The following TOP2B variants were observed in gnomAD, a reference collection of about 807,000 sequenced individuals.
TOP2B encodes the protein DNA topoisomerase II beta, also known as DNA topoisomerase 2-beta.
TOP2B carries 51 observed loss-of-function variants against 193.5 expected under a neutral mutation model. That is an observed-to-expected ratio of 0.26 (90% confidence interval 0.21 to 0.33). The LOEUF (loss-of-function observed/expected upper bound fraction) is 0.33, where lower values mean the gene tolerates loss of function less well. TOP2B is among the 10% of genes least tolerant of loss of function. The pLI is 1.00. For missense variants in TOP2B, 1,378 were observed against 1,909.3 expected, an observed-to-expected ratio of 0.72 and a Z score of 5.19; for synonymous variants, 634 against 635.7, an observed-to-expected ratio of 1.00 and a Z score of 0.04.
At chr3:25,638,672 G>A (rs995460309) in intron 4 of TOP2B, among the ~76,000 whole-genome samples, 23 of 151,660 alleles carry the variant, frequency 1.5e-4, no homozygotes, top group African/African-American at 5.6e-4. Context: ...ATTAAAATAG[G>A]CATTCTGTAA....
chr3:25,618,357 T>G, intron 25 of TOP2B, 61 bp downstream of exon 25: 1 of 1,271,554 alleles, frequency 7.9e-7, no homozygotes, highest in Non-Finnish European at 1.1e-6. Flanking sequence ...GTTGAATTTT[T>G]GTTTGTTTTG....
chr3:25,598,929 A>T (rs1702009501), intron 35 of TOP2B, among the ~76,000 whole-genome samples: 1 of 152,278 alleles, frequency 6.6e-6, no homozygotes, highest in African/African-American at 2.4e-5. Context: ...ATAGAAGATG[A>T]CTGAATGGAA....
At chr3:25,604,654 ATTG>A in intron 33 of TOP2B, 103 bp downstream of exon 33, 1 of 932,442 alleles carries the variant, frequency 1.1e-6, no homozygotes, top group Non-Finnish European at 1.6e-6. Flanking sequence ...ATACTTCTTA[ATTG>A]TTTTATGATA....
intron 11 of TOP2B, 67 bp from the exon 12 acceptor site, chr3:25,630,536 T>C: frequency 7.7e-7 from 1 of 1,298,238 alleles, no homozygotes; most frequent in African/African-American, 1.5e-5. Context: ...AAAAATGAAG[T>C]CAGAAAATTA....
chr3:25,664,394 C>A lies in TOP2B; in HGVS notation c.-97G>T. 1 of 1,338,222 alleles carries A rather than the reference C, an allele frequency of 7.5e-7. No homozygotes were observed. The highest frequency in any genetic ancestry group is 9.5e-7 in the Non-Finnish European group (1 of 1,054,294). The allele number at this position is 1,338,222 out of a possible 1,614,324, so 82.9% of individuals were successfully genotyped here. ...CCGCCGCTCCGCACCCACCGCTCCACTCGCCGCACTCCTAGCCGCGCCGAC... is the reference window on the plus strand; with the variant it reads ...CCGCCGCTCCGCACCCACCGCTCCAATCGCCGCACTCCTAGCCGCGCCGAC... On this transcript the variant is annotated 5_prime_UTR_variant, in exon 1 of 36. Transcript: ENST00000264331.
chr3:25,650,495 G>A (rs1368689962), intron 1 of TOP2B, among the ~76,000 whole-genome samples: 2 of 152,202 alleles, frequency 1.3e-5, no homozygotes, highest in Non-Finnish European at 2.9e-5. Context: ...AAATGTGTCA[G>A]TATCTTGATC....
chr3:25,626,541 G>T lies in TOP2B; in HGVS notation c.2224+19C>A. 2 of 1,333,266 alleles carry T rather than the reference G, an allele frequency of 1.5e-6. No individual in the cohort carries two copies. Among genetic ancestry groups the T allele is most frequent in the Non-Finnish European group, 2.0e-6 (2 of 981,286 alleles). The allele number at this position is 1,333,266 out of a possible 1,614,324, so 82.6% of individuals were successfully genotyped here. A position where few individuals can be genotyped will look rare whatever the true frequency, so the allele number is the denominator to read the frequency against. ...ATAGTAAATAACATTAAAAAATGAGGTTTTTAAATATTACTCACCATCAAC... is the reference window on the plus strand; with the variant it reads ...ATAGTAAATAACATTAAAAAATGAGTTTTTTAAATATTACTCACCATCAAC... On this transcript the variant is annotated intron_variant, in intron 18 of 35. Coordinates refer to ENST00000264331, the MANE Select transcript of TOP2B (RefSeq NM_001330700.2).
chr3:25,651,734 G>A (rs369758241), intron 1 of TOP2B, among the ~76,000 whole-genome samples: 1 of 151,974 alleles, frequency 6.6e-6, no homozygotes, highest in East Asian at 1.9e-4. Flanking sequence ...AGGCATGGTG[G>A]CAGCCACCTG....
At chr3:25,632,392 AC>A (rs752647673) in intron 10 of TOP2B, 53 bp downstream of exon 10, 13 of 1,422,898 alleles carry the variant, frequency 9.1e-6, no homozygotes, top group Non-Finnish European at 1.2e-5. Context: ...AATCAAGAAA[AC>A]TACCTAATCA....
chr3:25,618,235 G>A (rs1279679792), intron 25 of TOP2B, 183 bp downstream of exon 25: 3 of 563,944 alleles, frequency 5.3e-6, no homozygotes, highest in South Asian at 4.9e-5. Flanking sequence ...GCTTTGTGGT[G>A]GGTGTGTACT....
chr3:25,657,594 A>T (rs892246506), intron 1 of TOP2B, among the ~76,000 whole-genome samples: 1 of 152,168 alleles, frequency 6.6e-6, no homozygotes, highest in Non-Finnish European at 1.5e-5. Context: ...AAAGAGAGTG[A>T]TGTATATCTG....
In TOP2B at chr3:25,643,858, C is replaced by T. The variant is rs988200243; in HGVS notation, c.241-74G>A. ...CAATTTTTCATAGTATAATCCACATCCTGTCATTTACACTATATGAATACT... is the reference window on the plus strand; with the variant it reads ...CAATTTTTCATAGTATAATCCACATTCTGTCATTTACACTATATGAATACT... On this transcript the variant is annotated intron_variant, in intron 2 of 35. Coordinates refer to ENST00000264331, the MANE Select transcript of TOP2B (RefSeq NM_001330700.2). 4 of 1,098,766 alleles carry T rather than the reference C, an allele frequency of 3.6e-6. No homozygotes were observed. In the African/African-American group the frequency reaches 4.6e-5, roughly 13 times the overall value. 68.1% of individuals were successfully genotyped at this position (1,098,766 alleles called of 1,614,324 possible).
At chr3:25,643,644 C>T (rs1457181526) in intron 3 of TOP2B, 50 bp downstream of exon 3, 1 of 1,365,362 alleles carries the variant, frequency 7.3e-7, no homozygotes, top group South Asian at 1.2e-5. Context: ...TAAAAGGACA[C>T]TATGATGATA....
intron 1 of TOP2B, 21 bp from the exon 2 acceptor site, chr3:25,645,491 A>C: frequency 6.4e-7 from 1 of 1,572,484 alleles, no homozygotes; most frequent in African/African-American, 1.4e-5. Context: ...CCAAAAAATC[A>C]AATTTAAATA....
At position 25,631,013 on chromosome 3, in the gene TOP2B, T is replaced by C. The variant is rs1575575781; in HGVS notation, c.1267-74A>G. The C allele has an allele frequency of 1.4e-5, 18 of 1,296,950 alleles. No homozygotes were observed. In the East Asian group the frequency reaches 4.8e-4, roughly 34 times the overall value. The allele number at this position is 1,296,950 out of a possible 1,614,324, so 80.3% of individuals were successfully genotyped here. On this transcript the variant is annotated intron_variant, in intron 10 of 35. Transcript: ENST00000264331. ...TTTAGCTAAAATGTATAGGGCCTAA[T>C]GCAAGACCTGGAATCTGTGCAATTT...
intron 1 of TOP2B, among the ~76,000 whole-genome samples, chr3:25,654,885 T>G (rs973547339): frequency 5.3e-5 from 8 of 152,248 alleles, no homozygotes; most frequent in African/African-American, 1.7e-4. Context: ...GAAGTTGGAC[T>G]CTCATGCCAC....
Position 25,637,171 on chromosome 3 carries a change from A to C in TOP2B, c.639+44T>G. ...GGTTCTACTATCTCGGCAAGATAAT[A>C]AAACGTTATTTTAAAAAAAGAAATA... On this transcript the variant is annotated intron_variant, in intron 6 of 35. Coordinates refer to ENST00000264331, the MANE Select transcript of TOP2B (RefSeq NM_001330700.2). The C allele has an allele frequency of 4.2e-6, 6 of 1,422,210 alleles. No homozygotes were observed. The South Asian group carries it at 6.2e-5, about 15-fold the overall frequency. The allele number at this position is 1,422,210 out of a possible 1,614,324, so 88.1% of individuals were successfully genotyped here. A position where few individuals can be genotyped will look rare whatever the true frequency, so the allele number is the denominator to read the frequency against.
At position 25,664,341 on chromosome 3, in the gene TOP2B, C is replaced by A; in HGVS notation, c.-44G>T. On this transcript the variant is annotated 5_prime_UTR_variant, in exon 1 of 36. Coordinates refer to ENST00000264331, the MANE Select transcript of TOP2B (RefSeq NM_001330700.2). ...ACAGGCCCTGAGGCCGCAGCCGCCG[C>A]TCCCGCCTCCCTGCGGGCCGCTGGG... The A allele has an allele frequency of 7.0e-7, 1 of 1,427,612 alleles. No homozygotes were observed. Among genetic ancestry groups the A allele is most frequent in the Non-Finnish European group, 9.1e-7 (1 of 1,100,696 alleles). 88.4% of individuals were successfully genotyped at this position (1,427,612 alleles called of 1,614,324 possible). A position where few individuals can be genotyped will look rare whatever the true frequency, so the allele number is the denominator to read the frequency against.
rs2125338762 is a variant in TOP2B at position 25,599,444 on chromosome 3, T to G, written c.4701A>C (p.Thr1567=). The G allele has an allele frequency of 6.2e-7, 1 of 1,613,340 alleles. No homozygotes were observed. Among genetic ancestry groups the G allele is most frequent in the East Asian group, 2.2e-5 (1 of 44,864 alleles). ...DYNPGRKTSK[T]TSKKPKKTSF... Reference sequence around the variant, plus strand: ...TGATGTTCCCGGTTACCTTGCTTGTTGTTTTGGATGTTTTCCTGCCAGGGT... The same window carrying G: ...TGATGTTCCCGGTTACCTTGCTTGTGGTTTTGGATGTTTTCCTGCCAGGGT... The change falls in exon 35 of 36, where the codon ACA becomes ACC. Residue 1567 remains threonine (T), a synonymous_variant. Transcript: ENST00000264331.
Sources: allele counts gnomAD v4.1 joint callset (sites outside exome capture counted in the v4.1 genomes callset), GRCh38; gene constraint gnomAD v4.1.1; transcripts MANE v1.5; gene names NCBI Gene and HGNC (gene_info 2026-07-23, HGNC 2026-07-21).